The following RAB28 variants were observed in gnomAD, a reference collection of about 807,000 sequenced individuals.
The protein encoded by RAB28 is RAB28, member RAS oncogene family, also known as ras-related protein Rab-28.
A neutral mutation model predicts 31.7 loss-of-function variants in RAB28; 24 were observed. That is an observed-to-expected ratio of 0.76 (90% CI 0.55 to 1.06). The LOEUF (loss-of-function observed/expected upper bound fraction) is 1.06. Ranked by LOEUF, RAB28 falls within the 50% of genes least tolerant of loss-of-function variation. The probability of loss-of-function intolerance (pLI) is 0.00; values close to 1 mark genes in which losing one functional copy is unlikely to be tolerated. For synonymous variants in RAB28, 100 were observed against 90.4 expected (o/e 1.11, Z -0.60); for missense variants, 254 against 258.5 (o/e 0.98, Z 0.12).
intron 4 of RAB28, among the ~76,000 whole-genome samples, chr4:13,396,158 C>T (rs2108895755): frequency 6.6e-6 from 1 of 152,088 alleles, no homozygotes. Flanking sequence ...AAAAATGTCA[C>T]TGTCTAACTT....
At chr4:13,392,288 A>G (rs150869211) in intron 4 of RAB28, among the ~76,000 whole-genome samples, 190 of 152,352 alleles carry the variant, frequency 1.2e-3, no homozygotes, top group African/African-American at 4.4e-3. Flanking sequence ...GATATTAAAT[A>G]GTAAATAATT....
intron 4 of RAB28, among the ~76,000 whole-genome samples, chr4:13,394,367 C>A (rs566973579): frequency 2.0e-5 from 3 of 152,088 alleles, no homozygotes; most frequent in African/African-American, 7.2e-5. Context: ...AACCTAGATC[C>A]CTTGCATGTG....
chr4:13,381,301 A>C (rs1008347090), intron 5 of RAB28, among the ~76,000 whole-genome samples, 190 bp downstream of exon 5: 1 of 152,162 alleles, frequency 6.6e-6, no homozygotes, highest in African/African-American at 2.4e-5. Flanking sequence ...TTTTAAAAAT[A>C]ACTAAAATTA....
chr4:13,424,254 A>C lies in RAB28; in HGVS notation c.391+36445T>G, dbSNP rs79864030. 3.3e-5 allele frequency among the ~76,000 whole-genome samples: 5 copies of C among 152,320 alleles called. No homozygotes were observed. In the East Asian group the frequency reaches 9.6e-4, roughly 29 times the overall value. ...AGAAATTTATTTTCTCATACTTCAA[A>C]TCAAGATGTTGACAGGGCCAAGTGC... On this transcript the variant is annotated intron_variant, in intron 4 of 6. Coordinates refer to ENST00000330852, the MANE Select transcript of RAB28 (RefSeq NM_001017979.3).
chr4:13,467,038 G>T (rs574333621), intron 3 of RAB28, among the ~76,000 whole-genome samples: 2 of 151,488 alleles, frequency 1.3e-5, no homozygotes, highest in Non-Finnish European at 3.0e-5. Context: ...GGGGAAATGG[G>T]GAAATAGTCA....
At position 13,468,490 on chromosome 4, in the gene RAB28, A is replaced by T. The variant is rs147646978; in HGVS notation, c.261+5828T>A. Reference sequence around the variant, plus strand: ...ATTCTAAATAACACAAGCATCAAAGAAGTCTCAAAAATAATTTTAAAATAG... The same window carrying T: ...ATTCTAAATAACACAAGCATCAAAGTAGTCTCAAAAATAATTTTAAAATAG... On this transcript the variant is annotated intron_variant, in intron 3 of 6. Coordinates refer to ENST00000330852, the MANE Select transcript of RAB28 (RefSeq NM_001017979.3). Among the ~76,000 whole-genome samples the T allele has an allele frequency of 3.5e-3, 525 of 152,068 alleles. 6 individuals are homozygous for T. The highest frequency in any genetic ancestry group is 0.012 in the African/African-American group (487 of 41,506).
rs753776670 is a variant in RAB28, at chr4:13,479,440, T to C, written c.162A>G (p.Ile54Met). The change falls in exon 2 of 7, where the codon ATA becomes ATG. Residue 54 changes from isoleucine (I) to methionine (M), a missense_variant. By Grantham distance (10) the Ile-to-Met change is conservative. Transcript: ENST00000330852. Reference protein sequence around the residue: ...TIGLDFFLRRITLPGNLNVTL... With the variant: ...TIGLDFFLRRMTLPGNLNVTL... ...TTTTTAGTCTCTTACCTGGCAATGTTATCCTTCTCAAAAAGAAATCCAGTC... is the reference window on the plus strand; with the variant it reads ...TTTTTAGTCTCTTACCTGGCAATGTCATCCTTCTCAAAAAGAAATCCAGTC... 3.1e-6 allele frequency: 5 copies of C among 1,599,394 alleles called. No homozygotes were observed. In the South Asian group the frequency reaches 5.6e-5, roughly 18 times the overall value.
intron 6 of RAB28, among the ~76,000 whole-genome samples, 184 bp from the exon 7 acceptor site, chr4:13,368,834 A>G (rs1029447916): frequency 6.6e-6 from 1 of 151,580 alleles, no homozygotes; most frequent in African/African-American, 2.4e-5. Flanking sequence ...TTTTTTTTCA[A>G]GAAGAGAATG....
At chr4:13,451,943 C>T (rs972491440) in intron 4 of RAB28, among the ~76,000 whole-genome samples, 25 of 151,788 alleles carry the variant, frequency 1.6e-4, no homozygotes, top group African/African-American at 6.0e-4. Flanking sequence ...TTTCGTTGGT[C>T]TATGTGTCTG....
At chr4:13,473,798 TA>T in intron 3 of RAB28, 1 of 358,396 alleles carries the variant, frequency 2.8e-6, no homozygotes, top group Non-Finnish European at 5.5e-6. Flanking sequence ...ATTATCATAG[TA>T]AATTATTGTA....
intron 4 of RAB28, among the ~76,000 whole-genome samples, chr4:13,399,757 G>A (rs1020898693): frequency 1.3e-4 from 20 of 151,880 alleles, no homozygotes; most frequent in African/African-American, 4.8e-4. Context: ...TTAACGAACG[G>A]CCTTTTTCTT....
intron 2 of RAB28, among the ~76,000 whole-genome samples, chr4:13,474,789 C>T (rs1716275475): frequency 6.6e-6 from 1 of 151,598 alleles, no homozygotes; most frequent in African/African-American, 2.4e-5. Flanking sequence ...ATATACTCAA[C>T]CATCCAATCA....
intron 5 of RAB28, among the ~76,000 whole-genome samples, chr4:13,377,994 G>GT (rs1229906336): frequency 2.0e-5 from 3 of 152,198 alleles, no homozygotes; most frequent in African/African-American, 7.2e-5. Flanking sequence ...CAAGAGCTCA[G>GT]TTCTAAACAT....
chr4:13,378,718 T>G (rs966099355), intron 5 of RAB28, among the ~76,000 whole-genome samples: 5 of 152,124 alleles, frequency 3.3e-5, no homozygotes, highest in Non-Finnish European at 5.9e-5. Context: ...CTAGCTAGAA[T>G]AGATCCCATA....
chr4:13,417,297 C>A (rs1712838664), intron 4 of RAB28, among the ~76,000 whole-genome samples: 1 of 152,216 alleles, frequency 6.6e-6, no homozygotes, highest in African/African-American at 2.4e-5. Context: ...CTGTAAACCC[C>A]ACCTCTGGGA....
At chr4:13,483,703 G>C (rs1716722881) in intron 1 of RAB28, among the ~76,000 whole-genome samples, 1 of 152,204 alleles carries the variant, frequency 6.6e-6, no homozygotes, top group African/African-American at 2.4e-5. Flanking sequence ...AGAAGCATCA[G>C]AAACGGTAAA....
At chr4:13,413,547 A>T (rs1028532816) in intron 4 of RAB28, among the ~76,000 whole-genome samples, 8 of 152,218 alleles carry the variant, frequency 5.3e-5, no homozygotes, top group Admixed American at 3.3e-4. Flanking sequence ...CAGAGAAAAA[A>T]GCATAAAGTT....
chr4:13,402,915 T>C (rs1268591593), intron 4 of RAB28, among the ~76,000 whole-genome samples: 1 of 152,068 alleles, frequency 6.6e-6, no homozygotes, highest in Non-Finnish European at 1.5e-5. Flanking sequence ...CCGCCTCACC[T>C]CTCAAGTAGC....
At chr4:13,467,318 A>T (rs1380408713) in intron 3 of RAB28, among the ~76,000 whole-genome samples, 1 of 151,976 alleles carries the variant, frequency 6.6e-6, no homozygotes, top group Non-Finnish European at 1.5e-5. Context: ...AGTTTACAAT[A>T]AAATTTAACA....
Sources: gnomAD v4.1 joint callset for allele counts (sites outside exome capture counted in the v4.1 genomes callset) on GRCh38, gnomAD v4.1.1 for gene constraint, MANE v1.5 for transcripts, NCBI Gene and HGNC (gene_info 2026-07-23, HGNC 2026-07-21) for gene names.